The following LUZP2 variants were observed in gnomAD, a reference collection of about 807,000 sequenced individuals.
The protein encoded by LUZP2 is leucine zipper protein 2.
In LUZP2, 52 loss-of-function variants were observed where a neutral mutation model predicts 51.6. The observed-to-expected ratio is 1.01, with a 90% confidence interval of 0.81 to 1.27. The LOEUF (loss-of-function observed/expected upper bound fraction) is 1.27, where lower values mean the gene tolerates loss of function less well. Ranked by LOEUF, LUZP2 falls within the 50% of genes most tolerant of loss-of-function variation. The probability of loss-of-function intolerance (pLI) is 0.00; values close to 1 mark genes in which losing one functional copy is unlikely to be tolerated. For synonymous variants in LUZP2, 154 were observed against 137.3 expected (o/e 1.12, Z -0.85); for missense variants, 436 against 395.4 (o/e 1.10, Z -0.87).
intron 5 of LUZP2, among the ~76,000 whole-genome samples, chr11:24,893,546 A>C (rs1852923498): frequency 6.6e-6 from 1 of 152,292 alleles, no homozygotes; most frequent in East Asian, 1.9e-4. Flanking sequence ...AGAAGACTAC[A>C]CATAATATAT....
At chr11:24,883,500 A>G (rs962248778) in intron 5 of LUZP2, among the ~76,000 whole-genome samples, 1 of 152,046 alleles carries the variant, frequency 6.6e-6, no homozygotes, top group Non-Finnish European at 1.5e-5. Context: ...TATTAAATAA[A>G]TCATCTTTCT....
intron 9 of LUZP2, among the ~76,000 whole-genome samples, chr11:25,019,779 A>T (rs1391629859): frequency 6.6e-6 from 1 of 152,092 alleles, no homozygotes; most frequent in African/African-American, 2.4e-5. Flanking sequence ...TGGGAGCCTG[A>T]CTTCTGAGGT....
At chr11:24,699,851 A>G (rs925236613) in intron 1 of LUZP2, among the ~76,000 whole-genome samples, 7 of 150,994 alleles carry the variant, frequency 4.6e-5, no homozygotes, top group African/African-American at 1.5e-4. Context: ...GAGACAAAGC[A>G]TAGTTGAAAT....
At chr11:24,564,586 T>G (rs1235388340) in intron 1 of LUZP2, among the ~76,000 whole-genome samples, 1 of 152,126 alleles carries the variant, frequency 6.6e-6, no homozygotes, top group East Asian at 1.9e-4. Flanking sequence ...CACATTTGTA[T>G]GCCCCAAGCC....
chr11:24,743,397 C>T (rs576485573), intron 4 of LUZP2, among the ~76,000 whole-genome samples: 1 of 151,838 alleles, frequency 6.6e-6, no homozygotes, highest in Non-Finnish European at 1.5e-5. Context: ...CTTGTAGAAG[C>T]CTTTTGCCTC....
intron 7 of LUZP2, among the ~76,000 whole-genome samples, chr11:24,954,840 A>G (rs888200821): frequency 3.9e-5 from 6 of 152,110 alleles, no homozygotes; most frequent in African/African-American, 1.4e-4. Flanking sequence ...CATAGACGCT[A>G]AAATGATATT....
chr11:24,914,514 T>C lies in LUZP2; in HGVS notation c.498T>C (p.Tyr166=). Residue 166 remains tyrosine (Y), a synonymous_variant, in exon 7 of 12, where the codon TAT becomes TAC. Coordinates refer to ENST00000336930, the MANE Select transcript of LUZP2 (RefSeq NM_001009909.4). ...AAGCCCAGCTGAAGGAGCTTCGTTATGGGAAGAAGGATTTATTATTTAAGG... is the reference window on the plus strand; with the variant it reads ...AAGCCCAGCTGAAGGAGCTTCGTTACGGGAAGAAGGATTTATTATTTAAGG... ...KIQAQLKELR[Y]GKKDLLFKAQ... is the part of the protein sequence containing the mutation. The C allele has an allele frequency of 6.2e-7, 1 of 1,609,742 alleles. No homozygotes were observed. Among genetic ancestry groups the C allele is most frequent in the Non-Finnish European group, 8.5e-7 (1 of 1,178,492 alleles).
chr11:24,844,436 T>C (rs1159078089), intron 5 of LUZP2, among the ~76,000 whole-genome samples: 1 of 152,192 alleles, frequency 6.6e-6, no homozygotes, highest in Non-Finnish European at 1.5e-5. Flanking sequence ...GGCATCAGTT[T>C]CATAAAGTAA....
chr11:24,559,617 C>A (rs1851971928), intron 1 of LUZP2, among the ~76,000 whole-genome samples: 1 of 152,044 alleles, frequency 6.6e-6, no homozygotes, highest in Non-Finnish European at 1.5e-5. Context: ...GCTGTGATAA[C>A]CTAAAGTACA....
intron 1 of LUZP2, among the ~76,000 whole-genome samples, chr11:24,664,576 AATG>A (rs2133988987): frequency 6.6e-6 from 1 of 152,104 alleles, no homozygotes; most frequent in African/African-American, 2.4e-5. Flanking sequence ...AGGAGGGCAA[AATG>A]GTTTCCTGGG....
chr11:24,782,951 G>T (rs890854213), intron 5 of LUZP2, among the ~76,000 whole-genome samples: 5 of 151,846 alleles, frequency 3.3e-5, no homozygotes, highest in Admixed American at 2.0e-4. Flanking sequence ...GAAATATTAG[G>T]GGCTTTCCAA....
intron 7 of LUZP2, among the ~76,000 whole-genome samples, chr11:24,963,761 C>A (rs909852041): frequency 6.6e-6 from 1 of 152,086 alleles, no homozygotes; most frequent in Non-Finnish European, 1.5e-5. Context: ...GTGCACGGTG[C>A]GCTGCATCCA....
intron 4 of LUZP2, 27 bp from the exon 5 acceptor site, chr11:24,763,219 T>A: frequency 9.3e-7 from 1 of 1,070,010 alleles, no homozygotes; most frequent in Non-Finnish European, 1.3e-6. Context: ...TTGGAATGTG[T>A]CTACATAATA....
intron 1 of LUZP2, among the ~76,000 whole-genome samples, chr11:24,585,744 G>A (rs982971588): frequency 1.3e-5 from 2 of 151,908 alleles, no homozygotes; most frequent in South Asian, 2.1e-4. Flanking sequence ...ACAGGTAAGG[G>A]GAGAACAAAA....
chr11:24,896,077 T>C (rs1337338721), intron 5 of LUZP2, among the ~76,000 whole-genome samples: 1 of 152,238 alleles, frequency 6.6e-6, no homozygotes, highest in African/African-American at 2.4e-5. Context: ...GATTTGCATT[T>C]CTCTGAAGAT....
At chr11:25,024,419 C>T (rs1857424915) in intron 9 of LUZP2, among the ~76,000 whole-genome samples, 1 of 151,800 alleles carries the variant, frequency 6.6e-6, no homozygotes, top group Admixed American at 6.6e-5. Flanking sequence ...GCCCAAAATC[C>T]CCTGAAGCTG....
rs5741709 is a variant in LUZP2 at position 24,685,025 on chromosome 11, CTGTGTGTGTGTG to C, written c.63-44120_63-44109del. On this transcript the variant is annotated intron_variant, in intron 1 of 11. Coordinates refer to ENST00000336930, the MANE Select transcript of LUZP2 (RefSeq NM_001009909.4). ...GTGTCACCACTTACTGTATTTTGCT[CTGTGTGTGTGTG>C]TGTGTGTGTGTGTGTGTGTGTGTTT... 2.8e-4 allele frequency among the ~76,000 whole-genome samples: 42 copies of C among 147,938 alleles called. No homozygotes were observed. The East Asian group carries it at 7.8e-3, about 28-fold the overall frequency.
intron 8 of LUZP2, among the ~76,000 whole-genome samples, chr11:24,977,356 C>A (rs1239606972): frequency 6.6e-6 from 1 of 151,296 alleles, no homozygotes; most frequent in African/African-American, 2.4e-5. Context: ...TGTTTAAATA[C>A]ACAAAACACA....
chr11:24,720,689 T>TTCTG (rs1858231942), intron 1 of LUZP2, among the ~76,000 whole-genome samples: 6 of 68,324 alleles, frequency 8.8e-5, no homozygotes, highest in South Asian at 3.8e-4. Context: ...AGACCTGTTC[T>TTCTG]TTTGTTTGTT....
Sources: allele counts gnomAD v4.1 joint callset (sites outside exome capture counted in the v4.1 genomes callset), GRCh38; gene constraint gnomAD v4.1.1; transcripts MANE v1.5; gene names NCBI Gene and HGNC (gene_info 2026-07-23, HGNC 2026-07-21).